The following SHROOM3 variants were observed in gnomAD, a reference collection of about 807,000 sequenced individuals.
SHROOM3 encodes the protein protein Shroom3.
A neutral mutation model predicts 138.6 loss-of-function variants in SHROOM3; 47 were observed. That is an observed-to-expected ratio of 0.34 (90% CI 0.27 to 0.43). The LOEUF (loss-of-function observed/expected upper bound fraction) is 0.43. SHROOM3 is among the 20% of genes least tolerant of loss of function. The pLI is 1.00. For missense variants in SHROOM3, 2,491 were observed against 2,596.5 expected, an observed-to-expected ratio of 0.96 and a Z score of 0.88; for synonymous variants, 1,062 against 1,063.3, an observed-to-expected ratio of 1.00 and a Z score of 0.02.
intron 10 of SHROOM3, among the ~76,000 whole-genome samples, chr4:76,778,502 G>A (rs1034496235): frequency 4.6e-5 from 7 of 152,166 alleles, no homozygotes; most frequent in African/African-American, 1.2e-4. Flanking sequence ...AATTATAGGC[G>A]TGAGCCACCA....
chr4:76,779,528 G>C lies in SHROOM3; in HGVS notation c.*351G>C. Reference sequence around the variant, plus strand: ...CCCCCTCAGGAATGTATCCACAGTGGCCTTCCTTGCTGGTGGGCAGTGTAT... The same window carrying C: ...CCCCCTCAGGAATGTATCCACAGTGCCCTTCCTTGCTGGTGGGCAGTGTAT... On this transcript the variant is annotated 3_prime_UTR_variant, in exon 11 of 11. Coordinates refer to ENST00000296043, the MANE Select transcript of SHROOM3 (RefSeq NM_020859.4). 1 of 218,582 alleles carries C rather than the reference G, an allele frequency of 4.6e-6. No individual in the cohort carries two copies. The highest frequency in any genetic ancestry group is 9.2e-6 in the Non-Finnish European group (1 of 108,874). The allele number at this position is 218,582 out of a possible 1,614,324, so 13.5% of individuals were successfully genotyped here. A position where few individuals can be genotyped will look rare whatever the true frequency, so the allele number is the denominator to read the frequency against.
At chr4:76,651,094 T>A (rs574807501) in intron 2 of SHROOM3, among the ~76,000 whole-genome samples, 1 of 150,796 alleles carries the variant, frequency 6.6e-6, no homozygotes, top group Admixed American at 6.6e-5. Flanking sequence ...ATTGAGCTCA[T>A]AAACATAGAG....
intron 3 of SHROOM3, among the ~76,000 whole-genome samples, chr4:76,724,154 G>T (rs1476976085): frequency 6.6e-6 from 1 of 152,174 alleles, no homozygotes; most frequent in East Asian, 1.9e-4. Context: ...CCCATCCCAC[G>T]CAGTTAAGCT....
At position 76,445,204 on chromosome 4, in the gene SHROOM3, C is replaced by T. The variant is rs79905148; in HGVS notation, c.168+8984C>T. Reference sequence around the variant, plus strand: ...GTAGGTATCCAGCATAGGTAGGCAACTCATATGCCAAAGATGATACTTGGC... The same window carrying T: ...GTAGGTATCCAGCATAGGTAGGCAATTCATATGCCAAAGATGATACTTGGC... On this transcript the variant is annotated intron_variant, in intron 1 of 10. Coordinates refer to ENST00000296043, the MANE Select transcript of SHROOM3 (RefSeq NM_020859.4). Among the ~76,000 whole-genome samples the T allele has an allele frequency of 1.7e-3, 260 of 152,022 alleles. 5 individuals carry two copies. The East Asian group carries it at 0.043, about 25-fold the overall frequency.
At chr4:76,595,667 A>G (rs1381724049) in intron 2 of SHROOM3, among the ~76,000 whole-genome samples, 3 of 152,152 alleles carry the variant, frequency 2.0e-5, no homozygotes, top group Non-Finnish European at 4.4e-5. Context: ...ACTGGCAGGG[A>G]GTCAGATTAC....
chr4:76,591,584 A>G (rs1391573509), intron 2 of SHROOM3, among the ~76,000 whole-genome samples: 1 of 152,196 alleles, frequency 6.6e-6, no homozygotes, highest in East Asian at 1.9e-4. Flanking sequence ...GGTAGTGTGT[A>G]TTGCTACTTA....
chr4:76,542,803 C>T (rs1579224500), intron 1 of SHROOM3, among the ~76,000 whole-genome samples: 1 of 152,154 alleles, frequency 6.6e-6, no homozygotes, highest in African/African-American at 2.4e-5. Flanking sequence ...TTACAGCAAC[C>T]AGAGGAAACT....
At chr4:76,642,324 T>G (rs375019671) in intron 2 of SHROOM3, among the ~76,000 whole-genome samples, 6 of 152,324 alleles carry the variant, frequency 3.9e-5, no homozygotes, top group African/African-American at 1.4e-4. Context: ...CAAAGCCATG[T>G]AACAGGGTAA....
chr4:76,580,405 AATCCTATTACTACCACTTGTTTTGT>A, intron 2 of SHROOM3, among the ~76,000 whole-genome samples: 1 of 151,956 alleles, frequency 6.6e-6, no homozygotes, highest in African/African-American at 2.4e-5. Context: ...CCTGGCTTCA[AATCCTATTACTACCACTTGTTTTGT>A]GACCTTGGGC....
Position 76,608,673 on chromosome 4 carries a change from TAGCACAGCAC to T in SHROOM3, c.323+52960_323+52969del, listed in dbSNP as rs559667555. ...TAGCATAGCATAGCATAGCACAGCA[TAGCACAGCAC>T]AGCACAGCACAGCACAGCACAGCAC... On this transcript the variant is annotated intron_variant, in intron 2 of 10. Coordinates refer to ENST00000296043, the MANE Select transcript of SHROOM3 (RefSeq NM_020859.4). Among the ~76,000 whole-genome samples, 761 of 108,006 alleles carry T rather than the reference TAGCACAGCAC, an allele frequency of 7.0e-3. 68 individuals carry two copies. The highest frequency in any genetic ancestry group is 0.013 in the African/African-American group (373 of 28,688). 70.9% of individuals were successfully genotyped at this position (108,006 alleles called of 152,430 possible).
chr4:76,641,714 T>A (rs934886639), intron 2 of SHROOM3, among the ~76,000 whole-genome samples: 1 of 152,228 alleles, frequency 6.6e-6, no homozygotes, highest in African/African-American at 2.4e-5. Flanking sequence ...ATCTTGGACA[T>A]AAGCAGCCAG....
chr4:76,624,721 A>C (rs76671494), intron 2 of SHROOM3, among the ~76,000 whole-genome samples: 1 of 152,244 alleles, frequency 6.6e-6, no homozygotes, highest in African/African-American at 2.4e-5. Context: ...ATGTGTTAAC[A>C]TCTGTACTAA....
intron 1 of SHROOM3, among the ~76,000 whole-genome samples, chr4:76,504,305 T>C (rs7673557): frequency 0.3 from 44,825 of 151,938 alleles, 7,429 homozygotes; most frequent in African/African-American, 0.44. Context: ...ATTACAGGCA[T>C]GCGCCACCAC....
chr4:76,737,740 A>G (rs1161092453), intron 4 of SHROOM3, among the ~76,000 whole-genome samples: 1 of 151,820 alleles, frequency 6.6e-6, no homozygotes, highest in African/African-American at 2.4e-5. Context: ...TTAATTTGTA[A>G]TTTCCTAGTG....
chr4:76,547,637 A>G (rs960806167), intron 1 of SHROOM3, among the ~76,000 whole-genome samples: 1 of 152,116 alleles, frequency 6.6e-6, no homozygotes, highest in Non-Finnish European at 1.5e-5. Context: ...TAAGTAAAAA[A>G]TAGAGTTCAT....
chr4:76,746,586 CTGT>C (rs1338355801), intron 5 of SHROOM3, among the ~76,000 whole-genome samples: 5 of 152,150 alleles, frequency 3.3e-5, no homozygotes, highest in African/African-American at 4.8e-5. Flanking sequence ...GAACATATCC[CTGT>C]TGTTAAGTGA....
At position 76,741,795 on chromosome 4, in the gene SHROOM3, G is replaced by C; in HGVS notation, c.3622G>C (p.Glu1208Gln). 6.3e-7 allele frequency: 1 copy of C among 1,581,832 alleles called. No individual in the cohort carries two copies. The highest frequency in any genetic ancestry group is 1.3e-5 in the African/African-American group (1 of 74,606). Reference protein sequence around the residue: ...GTQRGDETPREPSSWGARAGK... With the variant: ...GTQRGDETPRQPSSWGARAGK... Reference sequence around the variant, plus strand: ...CCAGAGAGGGGATGAGACCCCCAGGGAGCCATCCTCCTGGGGGGCCAGGGC... The same window carrying C: ...CCAGAGAGGGGATGAGACCCCCAGGCAGCCATCCTCCTGGGGGGCCAGGGC... The change falls in exon 5 of 11, where the codon GAG becomes CAG. Residue 1208 changes from glutamate (E) to glutamine (Q), a missense_variant. By Grantham distance (29) the Glu-to-Gln change is conservative. Around this residue, in one of 4 missense-constraint regions of SHROOM3, gnomAD observed 1,733 missense variants for 1,661.6 expected, o/e 1.04. Coordinates refer to ENST00000296043, the MANE Select transcript of SHROOM3 (RefSeq NM_020859.4). The surrounding 1 kb of genome is among the most constrained non-coding windows in gnomAD (Gnocchi z 6.2).
chr4:76,563,414 G>A (rs192062216), intron 2 of SHROOM3, among the ~76,000 whole-genome samples: 62 of 152,302 alleles, frequency 4.1e-4, no homozygotes, highest in African/African-American at 1.4e-3. Context: ...ATTCTCTGGC[G>A]AACGTAAGTT....
intron 9 of SHROOM3, among the ~76,000 whole-genome samples, chr4:76,765,883 C>T (rs1050587675): frequency 1.6e-4 from 24 of 152,314 alleles, no homozygotes; most frequent in African/African-American, 5.8e-4. Flanking sequence ...TTTTGAAAAA[C>T]TCAACAGTGG....
Sources: allele counts gnomAD v4.1 joint callset (sites outside exome capture counted in the v4.1 genomes callset), GRCh38; gene constraint gnomAD v4.1.1; regional missense constraint gnomAD v4.1.1; non-coding constraint Gnocchi (gnomAD v3.1); transcripts MANE v1.5; gene names NCBI Gene and HGNC (gene_info 2026-07-23, HGNC 2026-07-21).